Variants in TNS3 observed in about 807,000 individuals in gnomAD.
TNS3 encodes tensin-3.
A neutral mutation model predicts 140.9 loss-of-function variants in TNS3; 45 were observed. That is an observed-to-expected ratio of 0.32 (90% confidence interval 0.25 to 0.41). The LOEUF (loss-of-function observed/expected upper bound fraction) is 0.41. Ranked by LOEUF, TNS3 falls within the 10% of genes least tolerant of loss-of-function variation. The pLI is 1.00. For synonymous variants in TNS3, 815 were observed against 788.4 expected (o/e 1.03, Z -0.56); for missense variants, 1,716 against 1,906.7 (o/e 0.90, Z 1.86).
chr7:47,481,319 A>G (rs1304596273), intron 3 of TNS3, 178 bp from the exon 4 acceptor site: 3 of 409,696 alleles, frequency 7.3e-6, no homozygotes, highest in Non-Finnish European at 1.3e-5. Context: ...GGTTTTGTTC[A>G]CTTTTGGAAA....
chr7:47,360,159 G>A (rs780486691), intron 17 of TNS3, among the ~76,000 whole-genome samples: 2 of 152,170 alleles, frequency 1.3e-5, no homozygotes, highest in South Asian at 2.1e-4. Context: ...ATTCTAAAAC[G>A]TTTTCCGAAT....
At chr7:47,302,735 G>T (rs1199580411) in intron 22 of TNS3, among the ~76,000 whole-genome samples, 9 of 152,228 alleles carry the variant, frequency 5.9e-5, no homozygotes, top group Non-Finnish European at 1.2e-4. Flanking sequence ...ATCCAAGGTG[G>T]CCAAACACAG....
intron 2 of TNS3, among the ~76,000 whole-genome samples, chr7:47,513,290 C>T (rs1023922550): frequency 1.3e-4 from 20 of 152,116 alleles, no homozygotes; most frequent in Non-Finnish European, 2.9e-5. Flanking sequence ...CTGCCTCAGC[C>T]TCTAGGGTAG....
At chr7:47,446,993 G>T (rs1270011498) in intron 4 of TNS3, among the ~76,000 whole-genome samples, 2 of 150,380 alleles carry the variant, frequency 1.3e-5, no homozygotes, top group Non-Finnish European at 3.0e-5. Context: ...CGGCCAGACT[G>T]CTCTTTAGAA....
intron 1 of TNS3, among the ~76,000 whole-genome samples, chr7:47,581,205 C>G (rs1296217002): frequency 6.6e-6 from 1 of 152,056 alleles, no homozygotes; most frequent in South Asian, 2.1e-4. Flanking sequence ...TGCACAGCAC[C>G]GACACAGAGA....
In TNS3 at chr7:47,369,714, T is replaced by C. The variant is rs534533873; in HGVS notation, c.1025-93A>G. 38 of 1,346,752 alleles carry C rather than the reference T, an allele frequency of 2.8e-5. No homozygotes were observed. The African/African-American group carries it at 5.0e-4, about 18-fold the overall frequency. 83.4% of individuals were successfully genotyped at this position (1,346,752 alleles called of 1,614,324 possible). Reference sequence around the variant, plus strand: ...GGGCGTGTGCATCTGTCTAAACAAATAAATGGATTCAAAATATGACTTACA... The same window carrying C: ...GGGCGTGTGCATCTGTCTAAACAAACAAATGGATTCAAAATATGACTTACA... On this transcript the variant is annotated intron_variant, in intron 16 of 30. Transcript: ENST00000311160.
intron 15 of TNS3, among the ~76,000 whole-genome samples, chr7:47,397,615 T>C (rs1484448086): frequency 6.6e-6 from 1 of 152,236 alleles, no homozygotes; most frequent in African/African-American, 2.4e-5. Flanking sequence ...ATGATGGAAA[T>C]TTAAAAATTC....
intron 1 of TNS3, among the ~76,000 whole-genome samples, chr7:47,581,240 C>T (rs533747411): frequency 1.5e-4 from 23 of 152,194 alleles, no homozygotes; most frequent in Non-Finnish European, 2.6e-4. Context: ...GGGACCCTCC[C>T]TCCTCCTGCT....
At chr7:47,373,132 A>C (rs145450251) in intron 16 of TNS3, among the ~76,000 whole-genome samples, 1,539 of 152,288 alleles carry the variant, frequency 0.01, 12 homozygotes, top group Middle Eastern at 0.02. Flanking sequence ...TTTTCTCATA[A>C]AGGGCTATCA....
intron 20 of TNS3, among the ~76,000 whole-genome samples, chr7:47,321,538 T>G (rs1280388961): frequency 6.6e-6 from 1 of 152,208 alleles, no homozygotes; most frequent in African/African-American, 2.4e-5. Flanking sequence ...TGCTCCAATA[T>G]AACAAGTGAT....
intron 20 of TNS3, among the ~76,000 whole-genome samples, chr7:47,338,726 T>A (rs1342921001): frequency 1.3e-5 from 2 of 152,242 alleles, no homozygotes; most frequent in African/African-American, 4.8e-5. Flanking sequence ...CCACATTTTC[T>A]TTATCCAATT....
chr7:47,577,530 C>T (rs1048306204), intron 1 of TNS3, among the ~76,000 whole-genome samples: 2 of 152,182 alleles, frequency 1.3e-5, no homozygotes, highest in African/African-American at 4.8e-5. Context: ...GCACAAACCC[C>T]TCATCTTGGC....
chr7:47,414,733 A>G (rs1793979327), intron 11 of TNS3, among the ~76,000 whole-genome samples: 1 of 152,154 alleles, frequency 6.6e-6, no homozygotes, highest in African/African-American at 2.4e-5. Context: ...GGTCACATTC[A>G]TGCCTCTTAC....
chr7:47,363,488 A>G (rs1790513801), intron 17 of TNS3, among the ~76,000 whole-genome samples: 1 of 152,182 alleles, frequency 6.6e-6, no homozygotes, highest in South Asian at 2.1e-4. Context: ...GCTATTCCCA[A>G]CTCTCTACCA....
chr7:47,303,386 T>C lies in TNS3; in HGVS notation c.3021A>G (p.Pro1007=). The C allele has an allele frequency of 6.2e-7, 1 of 1,613,772 alleles. No homozygotes were observed. Among genetic ancestry groups the C allele is most frequent in the Non-Finnish European group, 8.5e-7 (1 of 1,179,982 alleles). ...FHSHELSLAE[P]PDSLAPPSSQ... is the part of the protein sequence containing the mutation. The stretch of plus-strand genomic sequence containing the variant: ...TGCTGGGAGGCGCCAGGGAGTCCGG[T>C]GGCTCTGCTAGGGACAGCTCATGGC... Residue 1007 remains proline, a synonymous_variant, in exon 22 of 31, where the codon CCA becomes CCG. Coordinates refer to ENST00000311160, the MANE Select transcript of TNS3 (RefSeq NM_022748.12).
chr7:47,495,109 T>C (rs1453946959), intron 3 of TNS3, among the ~76,000 whole-genome samples: 1 of 144,392 alleles, frequency 6.9e-6, no homozygotes, highest in Non-Finnish European at 1.5e-5. Flanking sequence ...GAGAATAGCG[T>C]GAACCCGGGA....
chr7:47,371,862 G>C (rs945002953), intron 16 of TNS3, among the ~76,000 whole-genome samples: 4 of 152,168 alleles, frequency 2.6e-5, no homozygotes, highest in Non-Finnish European at 5.9e-5. Flanking sequence ...CCACCCTTAG[G>C]GTTCTACCAA....
chr7:47,577,756 T>A (rs1462213934), intron 1 of TNS3, among the ~76,000 whole-genome samples: 13 of 151,352 alleles, frequency 8.6e-5, no homozygotes, highest in African/African-American at 2.9e-4. Flanking sequence ...AGGAAGGGGG[T>A]CTTGTTAGCC....
intron 2 of TNS3, among the ~76,000 whole-genome samples, chr7:47,519,156 G>A (rs1406890970): frequency 1.3e-5 from 2 of 152,080 alleles, no homozygotes; most frequent in East Asian, 3.9e-4. Context: ...GTCTCAGGGC[G>A]CCAGCTCCCA....
Sources: allele counts gnomAD v4.1 joint callset (sites outside exome capture counted in the v4.1 genomes callset), GRCh38; gene constraint gnomAD v4.1.1; transcripts MANE v1.5; gene names NCBI Gene and HGNC (gene_info 2026-07-23, HGNC 2026-07-21).